The following MAPKAP1 variants were observed in gnomAD, a reference collection of about 807,000 sequenced individuals.
MAPKAP1 encodes MAPK associated protein 1, also known as target of rapamycin complex 2 subunit MAPKAP1.
Under a neutral mutation model 65.7 loss-of-function variants are expected in MAPKAP1, and 20 were observed. That is an observed-to-expected ratio of 0.30 (90% CI 0.21 to 0.44). The LOEUF is 0.44. MAPKAP1 is among the 20% of genes least tolerant of loss of function. The pLI, the probability that MAPKAP1 is intolerant of heterozygous loss-of-function variation, is 1.00. For synonymous variants in MAPKAP1, 222 were observed against 244.3 expected (o/e 0.91, Z 0.85); for missense variants, 423 against 648.0 (o/e 0.65, Z 3.77).
chr9:125,551,102 T>C (rs1046614594), intron 6 of MAPKAP1, among the ~76,000 whole-genome samples: 8 of 152,092 alleles, frequency 5.3e-5, no homozygotes, highest in Admixed American at 4.6e-4. Context: ...AAGAAATAAA[T>C]GATAAAAAAA....
chr9:125,479,504 C>T (rs920559373), intron 9 of MAPKAP1, among the ~76,000 whole-genome samples: 7 of 150,600 alleles, frequency 4.6e-5, no homozygotes, highest in Admixed American at 2.7e-4. Flanking sequence ...TGCTTGAACC[C>T]GGGAGGCGGA....
chr9:125,597,055 G>C (rs909221896), intron 4 of MAPKAP1, among the ~76,000 whole-genome samples: 1 of 151,048 alleles, frequency 6.6e-6, no homozygotes, highest in Admixed American at 6.6e-5. Flanking sequence ...GAGGTCAGGA[G>C]ATCGAGACCA....
intron 4 of MAPKAP1, among the ~76,000 whole-genome samples, chr9:125,633,987 C>A (rs1443688950): frequency 6.6e-6 from 1 of 152,220 alleles, no homozygotes; most frequent in Non-Finnish European, 1.5e-5. Flanking sequence ...TAATTTGATG[C>A]AACTTTGCCT....
At chr9:125,612,593 T>G (rs1832633716) in intron 4 of MAPKAP1, among the ~76,000 whole-genome samples, 1 of 152,214 alleles carries the variant, frequency 6.6e-6, no homozygotes, top group South Asian at 2.1e-4. Context: ...GCAGTGTTTT[T>G]GAACAGGCCA....
intron 8 of MAPKAP1, among the ~76,000 whole-genome samples, chr9:125,488,258 A>C (rs1406020840): frequency 1.3e-5 from 2 of 152,232 alleles, no homozygotes; most frequent in Non-Finnish European, 2.9e-5. Flanking sequence ...GAGGGAGTAC[A>C]GAAGGAATAG....
chr9:125,449,930 C>CT (rs941681076), intron 10 of MAPKAP1, among the ~76,000 whole-genome samples: 25 of 149,030 alleles, frequency 1.7e-4, no homozygotes, highest in African/African-American at 2.2e-4. Context: ...AATTTTTGCT[C>CT]TTTTTTTTTT....
At chr9:125,699,601 C>A (rs756960691) in intron 1 of MAPKAP1, among the ~76,000 whole-genome samples, 25 of 151,416 alleles carry the variant, frequency 1.7e-4, no homozygotes, top group Non-Finnish European at 2.5e-4. Flanking sequence ...CATGTCAGTT[C>A]GAAAAGTTTT....
At chr9:125,657,878 A>AAG in intron 3 of MAPKAP1, 79 bp from the exon 4 acceptor site, 1 of 1,395,200 alleles carries the variant, frequency 7.2e-7, no homozygotes, top group South Asian at 1.3e-5. Flanking sequence ...AGTCTTCCTT[A>AAG]GAACCTTAAG....
rs527974306 is a variant in MAPKAP1 at position 125,699,149 on chromosome 9, G to A, written c.-70+7822C>T. ...GGGGATAAGACACAAGTCTAAACAC[G>A]CAATTCACTTATATTTCATATACAC... On this transcript the variant is annotated intron_variant, in intron 1 of 11. Transcript: ENST00000265960. Among the ~76,000 whole-genome samples, 30 of 152,160 alleles carry A rather than the reference G, an allele frequency of 2.0e-4. 1 individual carries two copies. Among genetic ancestry groups the A allele is most frequent in the Admixed American group, 1.6e-3 (25 of 15,272 alleles).
At chr9:125,525,402 G>A (rs1046313823) in intron 7 of MAPKAP1, among the ~76,000 whole-genome samples, 37 of 152,222 alleles carry the variant, frequency 2.4e-4, no homozygotes, top group Admixed American at 1.1e-3. Flanking sequence ...GGCCGGGCGC[G>A]GTGGCTCACG....
At chr9:125,613,548 G>C (rs1020767014) in intron 4 of MAPKAP1, among the ~76,000 whole-genome samples, 7 of 152,094 alleles carry the variant, frequency 4.6e-5, no homozygotes, top group African/African-American at 1.4e-4. Context: ...GCCTTGTTAC[G>C]ACTGCATCAC....
chr9:125,577,357 G>A (rs1311022645), intron 5 of MAPKAP1, among the ~76,000 whole-genome samples: 8 of 150,850 alleles, frequency 5.3e-5, no homozygotes, highest in Non-Finnish European at 7.4e-5. Context: ...GAGCGTCTCC[G>A]CCCGGCAGCC....
intron 10 of MAPKAP1, among the ~76,000 whole-genome samples, chr9:125,467,513 C>G (rs1446688827): frequency 6.6e-6 from 1 of 152,168 alleles, no homozygotes; most frequent in Non-Finnish European, 1.5e-5. Flanking sequence ...GCTGACACTT[C>G]CGGCATGATG....
chr9:125,632,762 C>T (rs1489554037), intron 4 of MAPKAP1, among the ~76,000 whole-genome samples: 2 of 152,158 alleles, frequency 1.3e-5, no homozygotes, highest in East Asian at 3.8e-4. Flanking sequence ...CAGCTTGCCA[C>T]GAAAGATAGC....
chr9:125,483,117 G>A (rs1854377772), intron 9 of MAPKAP1, among the ~76,000 whole-genome samples: 1 of 152,148 alleles, frequency 6.6e-6, no homozygotes. Context: ...ACATAGGGAA[G>A]TTTACAACTG....
chr9:125,652,040 C>A, intron 4 of MAPKAP1: 4 of 1,055,260 alleles, frequency 3.8e-6, no homozygotes, highest in Non-Finnish European at 3.7e-6. Flanking sequence ...ACAAGAATAG[C>A]ATATTTTCCA....
At chr9:125,532,607 C>T (rs982255164) in intron 7 of MAPKAP1, among the ~76,000 whole-genome samples, 3 of 152,188 alleles carry the variant, frequency 2.0e-5, no homozygotes, top group Admixed American at 6.5e-5. Context: ...GCCTTTTCCC[C>T]ACTTGCTACC....
At chr9:125,680,117 C>G (rs1339288338) in intron 1 of MAPKAP1, among the ~76,000 whole-genome samples, 1 of 149,916 alleles carries the variant, frequency 6.7e-6, no homozygotes, top group Non-Finnish European at 1.5e-5. Flanking sequence ...CCTTTCCACA[C>G]TGTACCCCGA....
intron 1 of MAPKAP1, among the ~76,000 whole-genome samples, chr9:125,700,416 T>C (rs912458316): frequency 1.3e-5 from 2 of 152,236 alleles, no homozygotes; most frequent in African/African-American, 4.8e-5. Flanking sequence ...ACGTATAGGA[T>C]ATTAAGAATC....
Sources: allele counts gnomAD v4.1 joint callset (sites outside exome capture counted in the v4.1 genomes callset), GRCh38; gene constraint gnomAD v4.1.1; transcripts MANE v1.5; gene names NCBI Gene and HGNC (gene_info 2026-07-23, HGNC 2026-07-21).